KCTD13: variants seen among roughly 807,000 people sequenced by gnomAD.
The protein encoded by KCTD13 is BTB/POZ domain-containing adapter for CUL3-mediated RhoA degradation protein 1.
KCTD13 carries 15 observed loss-of-function variants against 32.3 expected under a neutral mutation model. The observed-to-expected ratio is 0.46, with a 90% CI of 0.31 to 0.71. The LOEUF (loss-of-function observed/expected upper bound fraction) is 0.71. Ranked by LOEUF, KCTD13 falls within the 30% of genes least tolerant of loss-of-function variation. The pLI, the probability that KCTD13 is intolerant of heterozygous loss-of-function variation, is 0.05. For synonymous variants in KCTD13, 189 were observed against 200.1 expected (o/e 0.94, Z 0.47); for missense variants, 337 against 452.6 (o/e 0.74, Z 2.32).
intron 1 of KCTD13, among the ~76,000 whole-genome samples, chr16:29,925,110 C>T (rs2068973394): frequency 6.6e-6 from 1 of 152,158 alleles, no homozygotes; most frequent in Non-Finnish European, 1.5e-5. Flanking sequence ...TCCCTTAAGA[C>T]TCTCCCACTC....
chr16:29,909,105 G>A (rs893156599), intron 5 of KCTD13, among the ~76,000 whole-genome samples: 2 of 152,008 alleles, frequency 1.3e-5, no homozygotes, highest in African/African-American at 4.8e-5. Flanking sequence ...GTGTGAAAAG[G>A]GCCCAGCTAA....
chr16:29,921,726 T>C (rs1042050717), intron 2 of KCTD13: 1 of 152,114 alleles, frequency 6.6e-6, no homozygotes, highest in Non-Finnish European at 1.5e-5. Flanking sequence ...TCCCAGCACT[T>C]TGGGGGGCCA....
chr16:29,913,975 G>A (rs957955862), intron 2 of KCTD13: 1 of 152,194 alleles, frequency 6.6e-6, no homozygotes, highest in Non-Finnish European at 1.5e-5. Context: ...GATTACCGAG[G>A]TGTGCCATCA....
chr16:29,920,483 C>G (rs1243303411), intron 2 of KCTD13: 1 of 152,086 alleles, frequency 6.6e-6, no homozygotes, highest in Non-Finnish European at 1.5e-5. Flanking sequence ...AAGACATACC[C>G]ATATGCAGTA....
intron 2 of KCTD13, among the ~76,000 whole-genome samples, chr16:29,916,681 G>C (rs767412966): frequency 6.6e-6 from 1 of 152,152 alleles, no homozygotes; most frequent in Non-Finnish European, 1.5e-5. Flanking sequence ...CTGGCCGACA[G>C]AGCAAGACTC....
chr16:29,911,904 C>T, intron 3 of KCTD13, 37 bp from the exon 4 acceptor site: 1 of 1,610,340 alleles, frequency 6.2e-7, no homozygotes, highest in Non-Finnish European at 8.5e-7. Flanking sequence ...AGGGGTGAGG[C>T]TGCAGGGAGA....
At chr16:29,907,691 G>T (rs994968161) in intron 5 of KCTD13, among the ~76,000 whole-genome samples, 1 of 152,074 alleles carries the variant, frequency 6.6e-6, no homozygotes, top group African/African-American at 2.4e-5. Flanking sequence ...GGGAGACTGA[G>T]GTGGGAGGAT....
intron 5 of KCTD13, among the ~76,000 whole-genome samples, chr16:29,907,642 G>T (rs1439928240): frequency 1.3e-5 from 2 of 151,970 alleles, no homozygotes; most frequent in Non-Finnish European, 2.9e-5. Flanking sequence ...CAAAAAATTA[G>T]CTAGGTGTGG....
intron 2 of KCTD13, chr16:29,922,747 G>C (rs2068934640): frequency 5.2e-6 from 2 of 385,194 alleles, no homozygotes; most frequent in African/African-American, 2.1e-5. Flanking sequence ...AAAGCTCCTG[G>C]GGGGCGGAAG....
chr16:29,911,555 T>A (rs1019244636), intron 4 of KCTD13: 30 of 589,960 alleles, frequency 5.1e-5, no homozygotes, highest in Non-Finnish European at 6.3e-5. Flanking sequence ...ACTCTGCCAG[T>A]TCCTAGAATG....
At chr16:29,915,872 G>A (rs539147823) in intron 2 of KCTD13, among the ~76,000 whole-genome samples, 2 of 152,202 alleles carry the variant, frequency 1.3e-5, no homozygotes, top group South Asian at 2.1e-4. Flanking sequence ...ATCTTTGCAC[G>A]GAAGCCATTT....
At chr16:29,910,202 A>G (rs1035757394) in intron 5 of KCTD13, among the ~76,000 whole-genome samples, 2 of 151,604 alleles carry the variant, frequency 1.3e-5, no homozygotes, top group African/African-American at 4.9e-5. Flanking sequence ...GATTGAGACC[A>G]TCCTGGCCAA....
At chr16:29,908,131 G>A (rs1470038760) in intron 5 of KCTD13, among the ~76,000 whole-genome samples, 4 of 152,142 alleles carry the variant, frequency 2.6e-5, no homozygotes, top group Non-Finnish European at 1.5e-5. Context: ...TTGACCAAAG[G>A]AGTGGGGGAG....
intron 2 of KCTD13, 27 bp from the exon 3 acceptor site, chr16:29,912,076 C>T (rs1298289009): frequency 1.3e-6 from 2 of 1,520,000 alleles, no homozygotes; most frequent in Non-Finnish European, 9.0e-7. Context: ...AGGTGGTTAA[C>T]AGCACAACCA....
At chr16:29,907,156 G>T (rs201374973) in intron 5 of KCTD13, 48 bp from the exon 6 acceptor site, 2 of 1,361,946 alleles carry the variant, frequency 1.5e-6, no homozygotes, top group East Asian at 2.3e-5. Context: ...GTGCAGTCAC[G>T]CAGGGCCATC....
intron 2 of KCTD13, chr16:29,922,318 C>T (rs1265097067): frequency 6.6e-6 from 1 of 152,122 alleles, no homozygotes; most frequent in Non-Finnish European, 1.5e-5. Context: ...ACCTTTTAAT[C>T]TATAAAGGGC....
intron 2 of KCTD13, 179 bp from the exon 3 acceptor site, chr16:29,912,228 C>T: frequency 1.6e-6 from 1 of 629,768 alleles, no homozygotes; most frequent in Non-Finnish European, 2.8e-6. Flanking sequence ...GGGCCTTGGT[C>T]CCACGGACAC....
At position 29,911,867 on chromosome 16, in the gene KCTD13, G is replaced by T; in HGVS notation, c.505C>A (p.Pro169Thr). ...EQQLLASTSK[P>T]VVKLLHNRSN... ...CGGTTGTGCAGGAGCTTCACCACGG[G>T]CTGGCGGGGGAGAGAGGATGGACGA... Residue 169 changes from proline to threonine, a missense_variant and splice_region_variant, in exon 4 of 6, where the codon CCC (proline) becomes ACC (threonine). Transcript: ENST00000568000. The T allele has an allele frequency of 6.2e-7, 1 of 1,612,278 alleles. No individual in the cohort carries two copies. Among genetic ancestry groups the T allele is most frequent in the South Asian group, 1.1e-5 (1 of 91,002 alleles).
At chr16:29,914,229 CCTTGGTGGCTGGCTCCA>C (rs2068768483) in intron 2 of KCTD13, 1 of 152,088 alleles carries the variant, frequency 6.6e-6, no homozygotes. Context: ...CATCAGGCTG[CCTTGGTGGCTGGCTCCA>C]CAGGCCACCG....
Sources: gnomAD v4.1 joint callset for allele counts (sites outside exome capture counted in the v4.1 genomes callset) on GRCh38, gnomAD v4.1.1 for gene constraint, MANE v1.5 for transcripts, NCBI Gene and HGNC (gene_info 2026-07-23, HGNC 2026-07-21) for gene names.